The following C3orf20 variants were observed in gnomAD, a reference collection of about 807,000 sequenced individuals.
C3orf20 encodes uncharacterized protein C3orf20.
In C3orf20, 76 loss-of-function variants were observed where a neutral mutation model predicts 88.3. That is an observed-to-expected ratio of 0.86 (90% CI 0.72 to 1.04). C3orf20 has a LOEUF of 1.04. Among genes scored for constraint, C3orf20 ranks in the 50% least tolerant of loss-of-function variants. The pLI, the probability that C3orf20 is intolerant of heterozygous loss-of-function variation, is 0.00. For synonymous variants in C3orf20, 436 were observed against 437.4 expected (o/e 1.00, Z 0.04); for missense variants, 1,056 against 1,123.3 (o/e 0.94, Z 0.86).
intron 5 of C3orf20, among the ~76,000 whole-genome samples, chr3:14,696,938 A>T (rs908585843): frequency 6.6e-6 from 1 of 152,132 alleles, no homozygotes; most frequent in Non-Finnish European, 1.5e-5. Flanking sequence ...TATTTTCACA[A>T]GATATACTAT....
In C3orf20 at chr3:14,772,055, C is replaced by T; in HGVS notation, c.2496-12C>T. 1.9e-6 allele frequency: 3 copies of T among 1,614,136 alleles called. No individual in the cohort carries two copies. Among genetic ancestry groups the T allele is most frequent in the Non-Finnish European group, 2.5e-6 (3 of 1,179,992 alleles). The stretch of plus-strand genomic sequence containing the variant: ...GCCCTGAGCACTGCCCCCGACCCTG[C>T]CTCCCCTGCAGTGTTCCCAACTCTG... On this transcript the variant is annotated splice_polypyrimidine_tract_variant and intron_variant, in intron 15 of 16. Transcript: ENST00000253697. The surrounding 1 kb of genome is among the most constrained non-coding windows in gnomAD (Gnocchi z 4.2).
intron 13 of C3orf20, among the ~76,000 whole-genome samples, chr3:14,759,410 C>G (rs1219129590): frequency 6.6e-6 from 1 of 152,088 alleles, no homozygotes; most frequent in Admixed American, 6.5e-5. Context: ...GGTGTGGGTT[C>G]AGTTCAGGTC....
intron 14 of C3orf20, among the ~76,000 whole-genome samples, chr3:14,760,668 G>A (rs1418974031): frequency 7.1e-6 from 1 of 141,170 alleles, no homozygotes; most frequent in Non-Finnish European, 1.5e-5. Flanking sequence ...GGAGTGCAGT[G>A]GTGTAATCTC....
intron 5 of C3orf20, among the ~76,000 whole-genome samples, chr3:14,692,365 CAGTT>C (rs1293541645): frequency 5.3e-5 from 8 of 152,186 alleles, no homozygotes; most frequent in Admixed American, 5.2e-4. Flanking sequence ...TTCCCACCAA[CAGTT>C]AGGAGGGTTT....
chr3:14,769,017 G>A (rs544553909), intron 15 of C3orf20, among the ~76,000 whole-genome samples: 56 of 152,108 alleles, frequency 3.7e-4, no homozygotes, highest in African/African-American at 1.3e-3. Context: ...AGTCGTTCAC[G>A]ATCCTCTGAT....
chr3:14,691,212 G>A (rs531981437), intron 5 of C3orf20, among the ~76,000 whole-genome samples: 11 of 152,290 alleles, frequency 7.2e-5, no homozygotes, highest in Middle Eastern at 6.8e-3. Flanking sequence ...TTCAGCGGCC[G>A]CCACACCTTC....
intron 12 of C3orf20, among the ~76,000 whole-genome samples, chr3:14,746,357 A>G (rs575731065): frequency 2.0e-5 from 3 of 152,338 alleles, no homozygotes; most frequent in Non-Finnish European, 4.4e-5. Context: ...AGTTCACTTA[A>G]GCTGCTACTA....
intron 7 of C3orf20, among the ~76,000 whole-genome samples, chr3:14,713,552 T>C: frequency 6.6e-6 from 1 of 152,196 alleles, no homozygotes. Context: ...CCTGATAGCA[T>C]TAGAAATATT....
chr3:14,743,023 C>T lies in C3orf20; in HGVS notation c.1940+14335C>T, dbSNP rs574582425. ...ACCATATAATTCCACCCGTGGCCCC[C>T]CTAAATCTCATGTCCTCACATTTCA... is the stretch of plus-strand genomic sequence containing the variant. On this transcript the variant is annotated intron_variant, in intron 12 of 16. Transcript: ENST00000253697. Among the ~76,000 whole-genome samples, 12 of 152,012 alleles carry T rather than the reference C, an allele frequency of 7.9e-5. No homozygotes were observed. The East Asian group carries it at 2.3e-3, about 29-fold the overall frequency.
At chr3:14,693,549 C>G (rs528302777) in intron 5 of C3orf20, among the ~76,000 whole-genome samples, 2 of 152,208 alleles carry the variant, frequency 1.3e-5, no homozygotes, top group African/African-American at 4.8e-5. Context: ...ATTTTTGTAT[C>G]CTGCAACCTT....
chr3:14,752,451 C>T (rs2035247280), intron 12 of C3orf20, among the ~76,000 whole-genome samples: 1 of 152,146 alleles, frequency 6.6e-6, no homozygotes, highest in Admixed American at 6.5e-5. Context: ...ACTAAAACAT[C>T]AAAAGCAATG....
intron 12 of C3orf20, among the ~76,000 whole-genome samples, chr3:14,754,423 A>G (rs943626064): frequency 6.6e-6 from 1 of 152,256 alleles, no homozygotes; most frequent in Non-Finnish European, 1.5e-5. Context: ...CACCAGGAAC[A>G]GGGGCTGTCA....
chr3:14,690,089 G>A lies in C3orf20; in HGVS notation c.718G>A (p.Ala240Thr). ...AGCCTGTCTGAGCTTTTCTCTCTCT[G>A]CTGGAAAAGAAGCCAAGAAGAAAAT... is the stretch of plus-strand genomic sequence containing the variant. ...STACLSFSLS[A>T]GKEAKKKIGK... The change falls in exon 5 of 17, where the codon GCT (alanine) becomes ACT (threonine). Residue 240 changes from alanine (A) to threonine (T), a missense_variant. By Grantham distance (58) the Ala-to-Thr change is moderately conservative (BLOSUM62 0). Transcript: ENST00000253697. 6.2e-7 allele frequency: 1 copy of A among 1,614,124 alleles called. No homozygotes were observed. The highest frequency in any genetic ancestry group is 1.1e-5 in the South Asian group (1 of 91,086).
chr3:14,765,830 G>T (rs1475750981), intron 15 of C3orf20, among the ~76,000 whole-genome samples: 1 of 152,238 alleles, frequency 6.6e-6, no homozygotes, highest in African/African-American at 2.4e-5. Flanking sequence ...CCATGGAGAG[G>T]CAAGGGCCAG....
rs541479904 is a variant in C3orf20 at position 14,746,417 on chromosome 3, C to T, written c.1941-10954C>T. On this transcript the variant is annotated intron_variant, in intron 12 of 16. Transcript: ENST00000253697. ...GGAGGTCATTTCAGCAACTGGATTG[C>T]GATATAATCCCTGAGTAGGCTCTTG... 3.3e-5 allele frequency among the ~76,000 whole-genome samples: 5 copies of T among 152,258 alleles called. No homozygotes were observed. The East Asian group carries it at 5.8e-4, about 18-fold the overall frequency.
chr3:14,711,408 G>GTAATGTCC (rs1261621760), intron 7 of C3orf20, among the ~76,000 whole-genome samples: 2 of 152,064 alleles, frequency 1.3e-5, no homozygotes, highest in Admixed American at 6.6e-5. Flanking sequence ...TTCTCAATAT[G>GTAATGTCC]TAATGTCCTT....
chr3:14,727,579 A>G (rs776005254), intron 11 of C3orf20, among the ~76,000 whole-genome samples: 3 of 151,792 alleles, frequency 2.0e-5, no homozygotes, highest in African/African-American at 4.8e-5. Context: ...ACAAGGATAC[A>G]TTGATCCTAT....
At chr3:14,711,062 C>CT (rs1173219341) in intron 7 of C3orf20, among the ~76,000 whole-genome samples, 9 of 151,812 alleles carry the variant, frequency 5.9e-5, no homozygotes, top group African/African-American at 2.2e-4. Context: ...CCTGGCTAAA[C>CT]TTTTTTGTAT....
chr3:14,695,454 A>G (rs2032952077), intron 5 of C3orf20, among the ~76,000 whole-genome samples: 1 of 152,128 alleles, frequency 6.6e-6, no homozygotes, highest in African/African-American at 2.4e-5. Flanking sequence ...AAGGAAAAGA[A>G]TGTGTATTTT....
Sources: gnomAD v4.1 joint callset for allele counts (sites outside exome capture counted in the v4.1 genomes callset) on GRCh38, gnomAD v4.1.1 for gene constraint, Gnocchi (gnomAD v3.1) non-coding constraint, MANE v1.5 for transcripts, NCBI Gene and HGNC (gene_info 2026-07-23, HGNC 2026-07-21) for gene names.